Variants in HTR2A observed in about 807,000 individuals in gnomAD.
The protein encoded by HTR2A is 5-hydroxytryptamine receptor 2A, also known as 5-HT2 receptor.
HTR2A carries 14 observed loss-of-function variants against 31.0 expected under a neutral mutation model. The ratio of observed to expected loss-of-function variants is 0.45; its 90% confidence interval spans 0.30 to 0.71. HTR2A has a LOEUF of 0.71. Ranked by LOEUF, HTR2A falls within the 30% of genes least tolerant of loss-of-function variation. HTR2A has a pLI of 0.09. For synonymous variants in HTR2A, 209 were observed against 225.2 expected (o/e 0.93, Z 0.64); for missense variants, 442 against 573.3 (o/e 0.77, Z 2.34).
At chr13:46,865,738 C>T (rs1224152421) in intron 3 of HTR2A, among the ~76,000 whole-genome samples, 2 of 152,182 alleles carry the variant, frequency 1.3e-5, no homozygotes, top group African/African-American at 4.8e-5. Context: ...TGACTAGTGG[C>T]TACTCTATTG....
At chr13:46,877,819 T>G (rs1262407004) in intron 3 of HTR2A, among the ~76,000 whole-genome samples, 1 of 151,966 alleles carries the variant, frequency 6.6e-6, no homozygotes, top group Non-Finnish European at 1.5e-5. Flanking sequence ...CTGGAAGAGG[T>G]GATGCCAAAA....
intron 3 of HTR2A, among the ~76,000 whole-genome samples, chr13:46,872,582 C>T (rs1950870945): frequency 6.6e-6 from 1 of 151,994 alleles, no homozygotes; most frequent in Admixed American, 6.6e-5. Context: ...TTTATTTGAC[C>T]ACTCTGTATA....
chr13:46,862,347 G>A (rs1413451712), intron 3 of HTR2A, among the ~76,000 whole-genome samples: 1 of 152,164 alleles, frequency 6.6e-6, no homozygotes, highest in Non-Finnish European at 1.5e-5. Context: ...CCTACTGTGT[G>A]GTAGGTATCA....
At chr13:46,877,017 A>G (rs1950919078) in intron 3 of HTR2A, among the ~76,000 whole-genome samples, 1 of 152,200 alleles carries the variant, frequency 6.6e-6, no homozygotes, top group Admixed American at 6.5e-5. Context: ...GAGTGCAATC[A>G]TCTCTGGATG....
At chr13:46,848,461 C>T (rs1192759299) in intron 3 of HTR2A, among the ~76,000 whole-genome samples, 1 of 152,150 alleles carries the variant, frequency 6.6e-6, no homozygotes, top group Admixed American at 6.5e-5. Flanking sequence ...AACTGTTAAG[C>T]TCTCTGTGTA....
intron 3 of HTR2A, among the ~76,000 whole-genome samples, chr13:46,849,721 A>G (rs970732442): frequency 1.1e-4 from 17 of 151,826 alleles, no homozygotes; most frequent in African/African-American, 4.1e-4. Flanking sequence ...AGCCTTCCTC[A>G]CCCTGCCTGA....
intron 3 of HTR2A, among the ~76,000 whole-genome samples, chr13:46,863,630 G>C: frequency 1.7e-5 from 1 of 59,272 alleles, no homozygotes; most frequent in Non-Finnish European, 2.9e-5. Flanking sequence ...CCCTCAAAAT[G>C]AAAAAAAAAA....
intron 3 of HTR2A, among the ~76,000 whole-genome samples, chr13:46,887,976 T>C (rs1593444894): frequency 6.6e-6 from 1 of 151,966 alleles, no homozygotes. Context: ...GCTTAATACC[T>C]GGGTAATGGG....
In HTR2A at chr13:46,896,906, C is replaced by T; in HGVS notation, c.-561G>A. The T allele has an allele frequency of 7.6e-7, 1 of 1,321,510 alleles. No individual in the cohort carries two copies. Among genetic ancestry groups the T allele is most frequent in the South Asian group, 1.3e-5 (1 of 76,276 alleles). 81.9% of individuals were successfully genotyped at this position (1,321,510 alleles called of 1,614,324 possible). On this transcript the variant is annotated 5_prime_UTR_variant, in exon 1 of 4. Transcript: ENST00000542664. The stretch of plus-strand genomic sequence containing the variant: ...TCTGGCACGGCTCGGCTGGGTTCCT[C>T]CCTCCCTGTGCGGCTCGCCTCAGCA...
At chr13:46,863,517 A>G (rs2760339) in intron 3 of HTR2A, among the ~76,000 whole-genome samples, 141,049 of 150,764 alleles carry the variant, frequency 0.94, 66,048 homozygotes, top group South Asian at 0.98. Flanking sequence ...CAGCTACTTA[A>G]GGGGCTGAGG....
At chr13:46,887,797 G>A (rs890378862) in intron 3 of HTR2A, among the ~76,000 whole-genome samples, 1 of 151,498 alleles carries the variant, frequency 6.6e-6, no homozygotes, top group Non-Finnish European at 1.5e-5. Flanking sequence ...AATAAAAGGA[G>A]AAAAATGTAC....
At chr13:46,861,073 T>C (rs189194953) in intron 3 of HTR2A, among the ~76,000 whole-genome samples, 3 of 152,330 alleles carry the variant, frequency 2.0e-5, no homozygotes, top group Admixed American at 1.3e-4. Flanking sequence ...GAAAGCTGAC[T>C]AAGTGGGAAA....
chr13:46,878,974 T>C (rs1420251958), intron 3 of HTR2A, among the ~76,000 whole-genome samples: 4 of 152,240 alleles, frequency 2.6e-5, no homozygotes, highest in Non-Finnish European at 4.4e-5. Flanking sequence ...AGATGGGATC[T>C]GGTTTAGAGG....
At position 46,896,078 on chromosome 13, in the gene HTR2A, G is replaced by C. The variant is rs1951102044; in HGVS notation, c.-172C>G. The C allele has an allele frequency of 1.5e-6, 2 of 1,361,918 alleles. No individual in the cohort carries two copies. Among genetic ancestry groups the C allele is most frequent in the Admixed American group, 6.9e-5 (2 of 29,082 alleles). 84.4% of individuals were successfully genotyped at this position (1,361,918 alleles called of 1,614,324 possible). A position where few individuals can be genotyped will look rare whatever the true frequency, so the allele number is the denominator to read the frequency against. On this transcript the variant is annotated 5_prime_UTR_variant, in exon 2 of 4. An upstream open reading frame in the 5' UTR gains an earlier in-frame stop. Transcript: ENST00000542664. ...TTATTACAATGATAGTTAAAGAACTGAACTGTGGTGGCTGTAAGTTTTCTT... is the reference window on the plus strand; with the variant it reads ...TTATTACAATGATAGTTAAAGAACTCAACTGTGGTGGCTGTAAGTTTTCTT...
chr13:46,862,107 G>A (rs1950783264), intron 3 of HTR2A, among the ~76,000 whole-genome samples: 1 of 152,150 alleles, frequency 6.6e-6, no homozygotes. Flanking sequence ...GTCCAAGTTT[G>A]TAAAACAGAG....
chr13:46,870,875 A>G (rs75109435), intron 3 of HTR2A, among the ~76,000 whole-genome samples: 1,547 of 152,200 alleles, frequency 0.01, 23 homozygotes, highest in African/African-American at 0.035. Context: ...TCAAGATTCA[A>G]TATATATATA....
At chr13:46,874,342 A>G (rs1030017622) in intron 3 of HTR2A, among the ~76,000 whole-genome samples, 2 of 152,232 alleles carry the variant, frequency 1.3e-5, no homozygotes, top group Non-Finnish European at 2.9e-5. Context: ...ATCCTAGTGT[A>G]AAAATGACTT....
At chr13:46,845,884 C>T (rs1950639007) in intron 3 of HTR2A, among the ~76,000 whole-genome samples, 1 of 152,170 alleles carries the variant, frequency 6.6e-6, no homozygotes, top group Non-Finnish European at 1.5e-5. Context: ...AGACTGCGCA[C>T]ACAACAGTGG....
At position 46,880,849 on chromosome 13, in the gene HTR2A, G is replaced by GAA. The variant is rs58351412; in HGVS notation, c.613+11539_613+11540dup. On this transcript the variant is annotated intron_variant, in intron 3 of 3. Transcript: ENST00000542664. ...GGGAGACTCTGTCTCAAATAAAAAA[G>GAA]AAAAAAAAAGAAGGCACCTCTTTCT... 7.2e-4 allele frequency among the ~76,000 whole-genome samples: 109 copies of GAA among 150,632 alleles called. 1 individual carries two copies. The highest frequency in any genetic ancestry group is 1.8e-3 in the African/African-American group (74 of 41,096).
Sources: gnomAD v4.1 joint callset for allele counts (sites outside exome capture counted in the v4.1 genomes callset) on GRCh38, gnomAD v4.1.1 for gene constraint, MANE v1.5 for transcripts, NCBI Gene and HGNC (gene_info 2026-07-23, HGNC 2026-07-21) for gene names.